Variants in LPGAT1 observed in about 807,000 individuals in gnomAD.
LPGAT1 encodes acyl-CoA:lysophosphatidylglycerol acyltransferase 1.
A neutral mutation model predicts 47.5 loss-of-function variants in LPGAT1; 11 were observed. That is an observed-to-expected ratio of 0.23 (90% confidence interval 0.15 to 0.38). LPGAT1 has a LOEUF of 0.38. Among genes scored for constraint, LPGAT1 ranks in the 10% least tolerant of loss-of-function variants. The pLI, the probability that LPGAT1 is intolerant of heterozygous loss-of-function variation, is 1.00. For missense variants in LPGAT1, 293 were observed against 439.0 expected (o/e 0.67, Z 2.97); for synonymous variants, 138 against 144.2 (o/e 0.96, Z 0.31).
chr1:211,820,150 A>G (rs1030143581), intron 2 of LPGAT1, among the ~76,000 whole-genome samples: 1 of 152,220 alleles, frequency 6.6e-6, no homozygotes, highest in African/African-American at 2.4e-5. Flanking sequence ...GTGGCCACAC[A>G]GAGAAACACA....
intron 5 of LPGAT1, among the ~76,000 whole-genome samples, chr1:211,782,996 T>C (rs1658704668): frequency 6.6e-6 from 1 of 152,196 alleles, no homozygotes; most frequent in South Asian, 2.1e-4. Flanking sequence ...TCCGTATAAG[T>C]AGGACAGGAG....
At chr1:211,807,015 T>C (rs1659785401) in intron 2 of LPGAT1, among the ~76,000 whole-genome samples, 1 of 152,208 alleles carries the variant, frequency 6.6e-6, no homozygotes, top group African/African-American at 2.4e-5. Context: ...ATTGCCTATG[T>C]AGACTATCTT....
intron 2 of LPGAT1, among the ~76,000 whole-genome samples, chr1:211,805,950 G>T (rs1158450299): frequency 6.6e-6 from 1 of 152,146 alleles, no homozygotes; most frequent in African/African-American, 2.4e-5. Context: ...CCCCAGGAAT[G>T]CAAGGCTGGT....
chr1:211,777,624 A>G (rs1658458156), intron 6 of LPGAT1, among the ~76,000 whole-genome samples: 1 of 152,268 alleles, frequency 6.6e-6, no homozygotes, highest in South Asian at 2.1e-4. Flanking sequence ...TGCAAATGAC[A>G]TATTAAAATG....
Position 211,792,711 on chromosome 1 carries a change from C to CTTTTT in LPGAT1, c.357+356_357+360dup, listed in dbSNP as rs34552405. On this transcript the variant is annotated intron_variant, in intron 3 of 7. Coordinates refer to ENST00000366997, the MANE Select transcript of LPGAT1 (RefSeq NM_014873.3). ...ACAGTAAGATATTTGAATTGATTCC[C>CTTTTT]TTTTTTTTTTTTTTTTTTTGAGATG... is the stretch of plus-strand genomic sequence containing the variant. Among the ~76,000 whole-genome samples, 70 of 104,586 alleles carry CTTTTT rather than the reference C, an allele frequency of 6.7e-4. 2 individuals are homozygous for CTTTTT. Among genetic ancestry groups the CTTTTT allele is most frequent in the African/African-American group, 1.3e-3 (36 of 27,140 alleles). The allele number at this position is 104,586 out of a possible 152,430, so 68.6% of individuals were successfully genotyped here.
At chr1:211,771,026 G>A (rs551048412) in intron 6 of LPGAT1, among the ~76,000 whole-genome samples, 1 of 151,742 alleles carries the variant, frequency 6.6e-6, no homozygotes, top group East Asian at 1.9e-4. Context: ...GAGCCCAGGA[G>A]GTGGAGGTTG....
chr1:211,757,060 C>A (rs1657491541), intron 6 of LPGAT1, among the ~76,000 whole-genome samples: 1 of 151,882 alleles, frequency 6.6e-6, no homozygotes, highest in South Asian at 2.1e-4. Context: ...AGCTCGAGAC[C>A]AGCCTGGCCA....
At chr1:211,805,173 C>T (rs989872408) in intron 2 of LPGAT1, among the ~76,000 whole-genome samples, 4 of 149,682 alleles carry the variant, frequency 2.7e-5, no homozygotes, top group African/African-American at 9.8e-5. Context: ...AAGGCCAATA[C>T]AAGTTATCAA....
chr1:211,757,054 C>T lies in LPGAT1; in HGVS notation c.855-5987G>A, dbSNP rs377110797. 3.0e-4 allele frequency among the ~76,000 whole-genome samples: 45 copies of T among 151,840 alleles called. 1 individual carries two copies. The South Asian group carries it at 8.8e-3, about 30-fold the overall frequency. The stretch of plus-strand genomic sequence containing the variant: ...TGGGCAGATCACGAGGTCAGGAGCT[C>T]GAGACCAGCCTGGCCAACATGGTGA... On this transcript the variant is annotated intron_variant, in intron 6 of 7. Transcript: ENST00000366997.
intron 2 of LPGAT1, among the ~76,000 whole-genome samples, chr1:211,802,191 T>C (rs1032194376): frequency 6.6e-6 from 1 of 151,896 alleles, no homozygotes; most frequent in Admixed American, 6.6e-5. Flanking sequence ...TGAAGCCCCC[T>C]GTGCCACATA....
At chr1:211,784,723 G>C (rs1335828001) in intron 4 of LPGAT1, among the ~76,000 whole-genome samples, 1 of 151,364 alleles carries the variant, frequency 6.6e-6, no homozygotes, top group Non-Finnish European at 1.5e-5. Context: ...AAAAGAAGAT[G>C]ACCTGAAGTC....
At chr1:211,815,727 C>T (rs1660146530) in intron 2 of LPGAT1, among the ~76,000 whole-genome samples, 1 of 151,766 alleles carries the variant, frequency 6.6e-6, no homozygotes, top group South Asian at 2.1e-4. Context: ...CTCCCTGCTG[C>T]AGCCACTGGC....
intron 6 of LPGAT1, among the ~76,000 whole-genome samples, chr1:211,761,581 A>G (rs1183981267): frequency 6.6e-6 from 1 of 152,244 alleles, no homozygotes; most frequent in Non-Finnish European, 1.5e-5. Flanking sequence ...AGCTTGAATC[A>G]CCAGATTAAG....
chr1:211,815,608 A>G (rs964124113), intron 2 of LPGAT1, among the ~76,000 whole-genome samples: 3 of 152,064 alleles, frequency 2.0e-5, no homozygotes, highest in Non-Finnish European at 4.4e-5. Context: ...AAACTCTTCG[A>G]TGGTTTCCTC....
At position 211,830,465 on chromosome 1, in the gene LPGAT1, G is replaced by T. The variant is rs936117060; in HGVS notation, c.-28+108C>A. ...CGCCCTCGTCCCTCAGGCCGCTGCC[G>T]CCTCCCCGGGCCACGCGACGACGAC... On this transcript the variant is annotated intron_variant, in intron 1 of 7. Transcript: ENST00000366997. This position sits in a 1 kb window ranked among gnomAD's most constrained non-coding sequence, Gnocchi z 5.9. The T allele has an allele frequency of 4.3e-6, 5 of 1,176,056 alleles. No homozygotes were observed. In the African/African-American group the frequency reaches 8.0e-5, roughly 19 times the overall value. The allele number at this position is 1,176,056 out of a possible 1,614,324, so 72.9% of individuals were successfully genotyped here.
chr1:211,816,865 G>GT (rs1160214659), intron 2 of LPGAT1, among the ~76,000 whole-genome samples: 2 of 152,066 alleles, frequency 1.3e-5, no homozygotes, highest in Non-Finnish European at 2.9e-5. Context: ...AAAAATCAAT[G>GT]TTTTTTCCCC....
intron 2 of LPGAT1, among the ~76,000 whole-genome samples, chr1:211,826,806 T>A (rs1215684913): frequency 2.0e-5 from 3 of 152,234 alleles, no homozygotes; most frequent in Non-Finnish European, 4.4e-5. Context: ...ATGAACATAC[T>A]TAATCTGCTG....
chr1:211,783,595 C>A (rs530489680), intron 4 of LPGAT1, 93 bp from the exon 5 acceptor site: 34 of 1,237,354 alleles, frequency 2.7e-5, no homozygotes, highest in Non-Finnish European at 3.7e-5. Context: ...AAATTAAAAT[C>A]CAATCACAGA....
Position 211,829,172 on chromosome 1 carries a change from A to G in LPGAT1, c.125T>C (p.Ile42Thr), listed in dbSNP as rs1164985229. ...AIPSYICYVIILQPLRVLDSK... is the reference protein window; with the variant it reads ...AIPSYICYVITLQPLRVLDSK... Reference sequence around the variant, plus strand: ...GTCCAGCACTCGAAGGGGCTGAAGTATAATTACATAGCAGATGTAGGATGG... The same window carrying G: ...GTCCAGCACTCGAAGGGGCTGAAGTGTAATTACATAGCAGATGTAGGATGG... Residue 42 changes from isoleucine to threonine, a missense_variant, in exon 2 of 8, where the codon ATA (isoleucine) becomes ACA (threonine). Transcript: ENST00000366997. 2 of 1,614,214 alleles carry G rather than the reference A, an allele frequency of 1.2e-6. No homozygotes were observed. Among genetic ancestry groups the G allele is most frequent in the Admixed American group, 1.7e-5 (1 of 60,032 alleles).
Sources: allele counts gnomAD v4.1 joint callset (sites outside exome capture counted in the v4.1 genomes callset), GRCh38; gene constraint gnomAD v4.1.1; non-coding constraint Gnocchi (gnomAD v3.1); transcripts MANE v1.5; gene names NCBI Gene and HGNC (gene_info 2026-07-23, HGNC 2026-07-21).